DPP10: variants seen among roughly 807,000 people sequenced by gnomAD.
The protein encoded by DPP10 is dipeptidyl peptidase like 10.
In DPP10, 33 loss-of-function variants were observed where a neutral mutation model predicts 120.9. The ratio of observed to expected loss-of-function variants is 0.27; its 90% CI spans 0.21 to 0.37. The LOEUF (loss-of-function observed/expected upper bound fraction) is 0.37, where lower values mean the gene tolerates loss of function less well. Among genes scored for constraint, DPP10 ranks in the 10% least tolerant of loss-of-function variants. DPP10 has a pLI of 1.00. For synonymous variants in DPP10, 337 were observed against 326.1 expected, an observed-to-expected ratio of 1.03 and a Z score of -0.36; for missense variants, 816 against 942.8, an observed-to-expected ratio of 0.87 and a Z score of 1.76.
intron 1 of DPP10, among the ~76,000 whole-genome samples, chr2:114,692,360 C>A (rs1050408757): frequency 1.1e-4 from 16 of 152,024 alleles, no homozygotes; most frequent in African/African-American, 3.9e-4. Flanking sequence ...CATTCAGGAG[C>A]AGGTTGTTCA....
chr2:115,215,249 A>G (rs538623396), intron 1 of DPP10, among the ~76,000 whole-genome samples: 14 of 152,310 alleles, frequency 9.2e-5, no homozygotes, highest in African/African-American at 3.4e-4. Context: ...TATTTGTCCA[A>G]ATGAAGAAAT....
chr2:114,616,061 T>C (rs927849744), intron 1 of DPP10, among the ~76,000 whole-genome samples: 1 of 152,114 alleles, frequency 6.6e-6, no homozygotes, highest in African/African-American at 2.4e-5. Flanking sequence ...TAAATCAAAG[T>C]GAATTGCATT....
chr2:115,411,560 T>C (rs191575867), intron 3 of DPP10, among the ~76,000 whole-genome samples: 199 of 152,232 alleles, frequency 1.3e-3, no homozygotes, highest in African/African-American at 4.5e-3. Flanking sequence ...AAGAAGTTCT[T>C]TTATGAGAGA....
chr2:114,882,106 A>AAAAT (rs59051125), intron 1 of DPP10, among the ~76,000 whole-genome samples: 144,808 of 151,492 alleles, frequency 0.96, 69,548 homozygotes, highest in East Asian at 1. Context: ...TAATGAAATA[A>AAAAT]AAATAAATAA....
intron 1 of DPP10, among the ~76,000 whole-genome samples, chr2:114,798,307 G>A (rs1024405141): frequency 6.6e-6 from 1 of 152,052 alleles, no homozygotes; most frequent in Non-Finnish European, 1.5e-5. Flanking sequence ...ATGTGTCATG[G>A]TAATGTAAAA....
At chr2:115,288,389 A>C (rs2060492879) in intron 1 of DPP10, among the ~76,000 whole-genome samples, 1 of 151,996 alleles carries the variant, frequency 6.6e-6, no homozygotes, top group South Asian at 2.1e-4. Context: ...CTATTCAATA[A>C]AATTCAATAA....
intron 3 of DPP10, among the ~76,000 whole-genome samples, chr2:115,404,318 A>C (rs1185582047): frequency 2.0e-5 from 3 of 152,158 alleles, no homozygotes; most frequent in Non-Finnish European, 4.4e-5. Flanking sequence ...TTGCAAGGAC[A>C]GTATAAACAG....
intron 1 of DPP10, among the ~76,000 whole-genome samples, chr2:114,757,894 A>G (rs1317865415): frequency 1.3e-5 from 2 of 152,080 alleles, no homozygotes; most frequent in African/African-American, 4.8e-5. Flanking sequence ...ATAGCTGTCA[A>G]TTCCTACTCC....
At chr2:115,002,203 C>A (rs1701489179) in intron 1 of DPP10, among the ~76,000 whole-genome samples, 2 of 151,802 alleles carry the variant, frequency 1.3e-5, no homozygotes, top group African/African-American at 2.4e-5. Context: ...ACACAGAGAC[C>A]AATGCAACAA....
chr2:114,820,083 T>C (rs989552051), intron 1 of DPP10, among the ~76,000 whole-genome samples: 5 of 152,132 alleles, frequency 3.3e-5, no homozygotes, highest in African/African-American at 1.2e-4. Flanking sequence ...TATTATCCTG[T>C]GGAAAAGAGG....
At chr2:115,271,803 CTT>C (rs1185232275) in intron 1 of DPP10, among the ~76,000 whole-genome samples, 3 of 151,966 alleles carry the variant, frequency 2.0e-5, no homozygotes, top group Non-Finnish European at 4.4e-5. Flanking sequence ...TTTATTAAAA[CTT>C]GACAAATATT....
At chr2:115,513,111 C>T (rs1351327872) in intron 4 of DPP10, among the ~76,000 whole-genome samples, 1 of 151,554 alleles carries the variant, frequency 6.6e-6, no homozygotes, top group Admixed American at 6.6e-5. Context: ...GATAGAATGG[C>T]CCTTTTATTA....
At position 115,182,196 on chromosome 2, in the gene DPP10, C is replaced by T. The variant is rs541225297; in HGVS notation, c.61-127043C>T. ...CTTTTCGCTTCAGGGAAATTATGAC[C>T]ATCTAGAGTAATTTTGTGTCAAAAA... is the stretch of plus-strand genomic sequence containing the variant. On this transcript the variant is annotated intron_variant, in intron 1 of 25. Coordinates refer to ENST00000410059, the MANE Select transcript of DPP10 (RefSeq NM_020868.6). 2.6e-5 allele frequency among the ~76,000 whole-genome samples: 4 copies of T among 152,202 alleles called. No individual in the cohort carries two copies. The South Asian group carries it at 8.3e-4, about 32-fold the overall frequency.
intron 1 of DPP10, among the ~76,000 whole-genome samples, chr2:114,494,752 T>C (rs188489505): frequency 6.6e-6 from 1 of 152,244 alleles, no homozygotes; most frequent in Admixed American, 6.5e-5. Flanking sequence ...CTGAGGTCAT[T>C]TGGCCAGGGT....
chr2:115,711,904 T>C (rs1294842493), intron 7 of DPP10, among the ~76,000 whole-genome samples: 1 of 138,910 alleles, frequency 7.2e-6, no homozygotes, highest in African/African-American at 2.6e-5. Context: ...ATTGGACCTA[T>C]AAAATGGTCT....
At chr2:114,892,607 C>T (rs887269039) in intron 1 of DPP10, among the ~76,000 whole-genome samples, 6 of 152,160 alleles carry the variant, frequency 3.9e-5, no homozygotes, top group Non-Finnish European at 5.9e-5. Context: ...CGCTGAGCCC[C>T]GCTTGGCAGG....
intron 1 of DPP10, among the ~76,000 whole-genome samples, chr2:114,919,869 T>C (rs1300751206): frequency 1.3e-5 from 2 of 152,140 alleles, no homozygotes; most frequent in Non-Finnish European, 2.9e-5. Flanking sequence ...GATAGAATGA[T>C]TAGAAGAGAC....
chr2:114,699,351 A>G (rs946873638), intron 1 of DPP10, among the ~76,000 whole-genome samples: 1 of 152,058 alleles, frequency 6.6e-6, no homozygotes, highest in African/African-American at 2.4e-5. Context: ...ACAAGAACAT[A>G]TTTTGATAAT....
At chr2:115,543,599 C>T (rs1403868306) in intron 5 of DPP10, among the ~76,000 whole-genome samples, 1 of 151,934 alleles carries the variant, frequency 6.6e-6, no homozygotes, top group Non-Finnish European at 1.5e-5. Context: ...ATTTCTAACA[C>T]CGCATATAAA....
Sources: gnomAD v4.1 joint callset for allele counts (sites outside exome capture counted in the v4.1 genomes callset) on GRCh38, gnomAD v4.1.1 for gene constraint, MANE v1.5 for transcripts, NCBI Gene and HGNC (gene_info 2026-07-23, HGNC 2026-07-21) for gene names.